Variants in FMN1 observed in about 807,000 individuals in gnomAD.
The protein encoded by FMN1 is formin 1, also known as formin-1.
FMN1 carries 110 observed loss-of-function variants against 132.4 expected under a neutral mutation model. That is an observed-to-expected ratio of 0.83 (90% confidence interval 0.71 to 0.97). The LOEUF (loss-of-function observed/expected upper bound fraction) is 0.97. Among genes scored for constraint, FMN1 ranks in the 50% least tolerant of loss-of-function variants. FMN1 has a pLI of 0.00. For synonymous variants in FMN1, 722 were observed against 651.7 expected (o/e 1.11, Z -1.64); for missense variants, 1,792 against 1,705.3 (o/e 1.05, Z -0.90).
At chr15:33,018,803 G>A (rs528553941) in intron 6 of FMN1, among the ~76,000 whole-genome samples, 4 of 152,216 alleles carry the variant, frequency 2.6e-5, no homozygotes, top group South Asian at 2.1e-4. Context: ...TGGTGGTCTC[G>A]CTGGCTTCAG....
At chr15:33,172,663 T>A (rs1053755131) in intron 3 of FMN1, among the ~76,000 whole-genome samples, 1 of 152,180 alleles carries the variant, frequency 6.6e-6, no homozygotes, top group Admixed American at 6.5e-5. Context: ...ACCTTCACTT[T>A]ATGGATCATA....
chr15:32,817,919 A>G (rs1331205512), intron 17 of FMN1, among the ~76,000 whole-genome samples: 1 of 152,244 alleles, frequency 6.6e-6, no homozygotes, highest in Non-Finnish European at 1.5e-5. Flanking sequence ...AATACATTCA[A>G]TAAGAATGAA....
rs1290195618 is a variant in FMN1 at position 33,153,155 on chromosome 15, G to A, written c.1760C>T (p.Pro587Leu). 9.8e-6 allele frequency: 15 copies of A among 1,536,026 alleles called. No homozygotes were observed. Among genetic ancestry groups the A allele is most frequent in the African/African-American group, 1.4e-5 (1 of 73,038 alleles). Residue 587 changes from proline to leucine, a missense_variant, in exon 4 of 21, where the codon CCG becomes CTG. Pro to Leu is a moderately conservative substitution (Grantham distance 98). Coordinates refer to ENST00000616417, the MANE Select transcript of FMN1 (RefSeq NM_001277313.2). ...AGGTTGGCCTGCTCTGAGGAAGGCC[G>A]GGCTGGCTCCTTTGGTCTCCGTGAC... is the stretch of plus-strand genomic sequence containing the variant. ...AKVTETKGAS[P>L]AFLRAGQPRL...
intron 6 of FMN1, among the ~76,000 whole-genome samples, chr15:33,041,968 T>C (rs1247232210): frequency 6.6e-6 from 1 of 151,998 alleles, no homozygotes; most frequent in Non-Finnish European, 1.5e-5. Flanking sequence ...ATAGTAAACT[T>C]CATGTTATGT....
intron 8 of FMN1, among the ~76,000 whole-genome samples, chr15:32,964,494 T>C (rs2030991569): frequency 6.6e-6 from 1 of 152,182 alleles, no homozygotes; most frequent in South Asian, 2.1e-4. Context: ...TTAGCTACGA[T>C]CAAAGATAGA....
chr15:32,862,990 G>A (rs533898765), intron 16 of FMN1, among the ~76,000 whole-genome samples: 38 of 152,246 alleles, frequency 2.5e-4, no homozygotes, highest in East Asian at 9.7e-4. Context: ...TCAAAGGACC[G>A]CCATAGAAAA....
intron 6 of FMN1, among the ~76,000 whole-genome samples, chr15:33,050,153 CAG>C (rs1307097541): frequency 6.6e-6 from 1 of 152,162 alleles, no homozygotes; most frequent in African/African-American, 2.4e-5. Flanking sequence ...AGGTGATGTT[CAG>C]TAGGTTAGGC....
At chr15:32,965,648 G>A (rs554456744) in intron 8 of FMN1, among the ~76,000 whole-genome samples, 3 of 152,132 alleles carry the variant, frequency 2.0e-5, no homozygotes, top group Non-Finnish European at 2.9e-5. Context: ...TCAGGTCTGC[G>A]TGTTCACACT....
intron 4 of FMN1, among the ~76,000 whole-genome samples, chr15:33,096,046 A>G (rs1241923461): frequency 1.3e-5 from 2 of 152,100 alleles, no homozygotes; most frequent in Admixed American, 6.6e-5. Context: ...GTGATTGAGC[A>G]TACACAATAC....
At chr15:32,882,904 GC>G (rs1431868405) in intron 16 of FMN1, among the ~76,000 whole-genome samples, 1 of 152,218 alleles carries the variant, frequency 6.6e-6, no homozygotes, top group Non-Finnish European at 1.5e-5. Context: ...TCAGGCAAGG[GC>G]CACACTTTCA....
At chr15:33,012,221 T>C (rs1054778615) in intron 6 of FMN1, 10 of 661,050 alleles carry the variant, frequency 1.5e-5, no homozygotes, top group African/African-American at 5.3e-5. Flanking sequence ...AGGAATCATT[T>C]TGAGCAATGG....
chr15:33,024,094 A>C (rs1019312381), intron 6 of FMN1, among the ~76,000 whole-genome samples: 3 of 152,272 alleles, frequency 2.0e-5, no homozygotes, highest in Non-Finnish European at 2.9e-5. Flanking sequence ...GAACAAAAGG[A>C]CAGTAAATTT....
chr15:32,910,458 A>C lies in FMN1; in HGVS notation c.3288+16T>G, dbSNP rs756957255. ...TAAATATGGAAATACTAGCTCTGTA[A>C]GTCTTTGACACTCACGTTTTCATAT... On this transcript the variant is annotated intron_variant, in intron 11 of 20. Coordinates refer to ENST00000616417, the MANE Select transcript of FMN1 (RefSeq NM_001277313.2). 2.6e-6 allele frequency: 4 copies of C among 1,555,786 alleles called. No homozygotes were observed. In the South Asian group the frequency reaches 4.7e-5, roughly 18 times the overall value.
intron 7 of FMN1, among the ~76,000 whole-genome samples, chr15:33,007,051 T>TTC (rs143221079): frequency 0.64 from 96,271 of 151,606 alleles, 33,880 homozygotes; most frequent in East Asian, 0.88. Context: ...GAGCAGAGTT[T>TTC]TCGTGTTCTC....
intron 4 of FMN1, among the ~76,000 whole-genome samples, chr15:33,094,852 G>A (rs537727824): frequency 6.6e-6 from 1 of 152,148 alleles, no homozygotes; most frequent in South Asian, 2.1e-4. Flanking sequence ...TGAAAAACAG[G>A]GGCACAGATG....
chr15:32,882,616 T>TA (rs1482170446), intron 16 of FMN1, among the ~76,000 whole-genome samples: 1 of 152,208 alleles, frequency 6.6e-6, no homozygotes, highest in Non-Finnish European at 1.5e-5. Context: ...TTATTGCTTT[T>TA]AGATTCTCTA....
chr15:32,826,214 C>G (rs1171391186), intron 17 of FMN1, among the ~76,000 whole-genome samples: 1 of 152,200 alleles, frequency 6.6e-6, no homozygotes, highest in East Asian at 1.9e-4. Context: ...GGCCTAATGG[C>G]TGCTTCTTTC....
chr15:32,995,984 T>TCGGCACATAGCTTATATGGAACAAA (rs1344342324), intron 7 of FMN1, among the ~76,000 whole-genome samples: 2 of 152,228 alleles, frequency 1.3e-5, no homozygotes, highest in Non-Finnish European at 2.9e-5. Flanking sequence ...TTCTTTTACC[T>TCGGCACATAGCTTATATGGAACAAA]CGGCACATAG....
intron 5 of FMN1, among the ~76,000 whole-genome samples, chr15:33,087,680 G>A (rs184877592): frequency 1.0e-3 from 157 of 152,248 alleles, no homozygotes; most frequent in Non-Finnish European, 2.1e-3. Context: ...GTCATTATAC[G>A]AAAAAGATAC....
Sources: gnomAD v4.1 joint callset for allele counts (sites outside exome capture counted in the v4.1 genomes callset) on GRCh38, gnomAD v4.1.1 for gene constraint, MANE v1.5 for transcripts, NCBI Gene and HGNC (gene_info 2026-07-23, HGNC 2026-07-21) for gene names.